GRIA2: variants seen among roughly 807,000 people sequenced by gnomAD.
GRIA2 encodes the protein glutamate receptor 2.
In GRIA2, 14 loss-of-function variants were observed where a neutral mutation model predicts 97.3. That is an observed-to-expected ratio of 0.14 (90% CI 0.10 to 0.23). The LOEUF (loss-of-function observed/expected upper bound fraction) is 0.23, where lower values mean the gene tolerates loss of function less well. Among genes scored for constraint, GRIA2 ranks in the 10% least tolerant of loss-of-function variants. GRIA2 has a pLI of 1.00. For missense variants in GRIA2, 558 were observed against 1,069.8 expected (o/e 0.52, Z 6.67); for synonymous variants, 412 against 387.8 (o/e 1.06, Z -0.73).
At chr4:157,274,772 G>A (rs976062139) in intron 2 of GRIA2, among the ~76,000 whole-genome samples, 1 of 151,586 alleles carries the variant, frequency 6.6e-6, no homozygotes, top group Non-Finnish European at 1.5e-5. Flanking sequence ...TATCATTGTT[G>A]GACATTTGGG....
At chr4:157,317,732 A>T (rs763361502) in intron 5 of GRIA2, 21 bp downstream of exon 5, 3 of 997,750 alleles carry the variant, frequency 3.0e-6, no homozygotes, top group Non-Finnish European at 4.7e-6. Flanking sequence ...TAATTGGTAT[A>T]TATTATTTTA....
chr4:157,355,941 T>TATATATATTAATATATTTATATATATATA (rs1736301145), intron 12 of GRIA2, among the ~76,000 whole-genome samples: 1 of 11,588 alleles, frequency 8.6e-5, no homozygotes, highest in Non-Finnish European at 1.9e-4. Flanking sequence ...ATTTATATAT[T>TATATATATTAATATATTTATATATATATA]AATATATATT....
intron 2 of GRIA2, among the ~76,000 whole-genome samples, chr4:157,294,792 G>A (rs527459197): frequency 1.1e-4 from 17 of 152,118 alleles, no homozygotes; most frequent in African/African-American, 3.4e-4. Flanking sequence ...AGGATTAGAC[G>A]CCAGGCCTGC....
intron 13 of GRIA2, 139 bp downstream of exon 13, chr4:157,360,282 G>T (rs1218795831): frequency 1.3e-6 from 1 of 784,870 alleles, no homozygotes; most frequent in Non-Finnish European, 2.0e-6. Flanking sequence ...AAACGTTTCT[G>T]AATGTTTTTA....
At chr4:157,221,940 A>G (rs13138842) in intron 2 of GRIA2, 133 bp downstream of exon 2, 625,595 of 769,922 alleles carry the variant, frequency 0.81, 254,992 homozygotes, top group Admixed American at 0.87. Context: ...GACTGCACAC[A>G]CGCGTGCGTG....
chr4:157,327,655 T>A (rs1214499835), intron 6 of GRIA2, among the ~76,000 whole-genome samples: 1 of 152,146 alleles, frequency 6.6e-6, no homozygotes, highest in African/African-American at 2.4e-5. Context: ...TAGTAACCTT[T>A]GTTCAACTTT....
intron 2 of GRIA2, among the ~76,000 whole-genome samples, chr4:157,300,078 A>T (rs966862892): frequency 3.3e-5 from 5 of 151,770 alleles, no homozygotes; most frequent in African/African-American, 1.2e-4. Context: ...ATGACACGTT[A>T]TTTCTGATAG....
intron 12 of GRIA2, among the ~76,000 whole-genome samples, chr4:157,346,708 T>C (rs940153619): frequency 3.9e-5 from 6 of 152,170 alleles, no homozygotes; most frequent in African/African-American, 1.4e-4. Flanking sequence ...ATCGTATACA[T>C]ATGTTGCAAG....
chr4:157,312,978 G>A, intron 4 of GRIA2, 103 bp downstream of exon 4: 1 of 621,456 alleles, frequency 1.6e-6, no homozygotes, highest in South Asian at 3.2e-5. Context: ...AGCAGTTTTT[G>A]CTTTATGTTT....
chr4:157,351,837 C>T (rs1404579378), intron 12 of GRIA2, among the ~76,000 whole-genome samples: 2 of 152,160 alleles, frequency 1.3e-5, no homozygotes, highest in Admixed American at 1.3e-4. Flanking sequence ...GCCTTGCTTC[C>T]CTTTTGACTT....
At chr4:157,334,818 G>C (rs1032839159) in intron 9 of GRIA2, 2 of 152,132 alleles carry the variant, frequency 1.3e-5, no homozygotes, top group African/African-American at 2.4e-5. Flanking sequence ...TTGTAAATTG[G>C]TGTGATTTAT....
chr4:157,248,275 TA>T (rs1269771701), intron 2 of GRIA2, among the ~76,000 whole-genome samples: 4 of 151,130 alleles, frequency 2.6e-5, no homozygotes, highest in African/African-American at 9.7e-5. Context: ...CATATGTGAG[TA>T]AATGTGTCAG....
At position 157,322,005 on chromosome 4, in the gene GRIA2, C is replaced by G. The variant is rs1165045033; in HGVS notation, c.882+406C>G. Among the ~76,000 whole-genome samples the G allele has an allele frequency of 2.0e-5, 3 of 152,126 alleles. No individual in the cohort carries two copies. The South Asian group carries it at 6.2e-4, about 32-fold the overall frequency. ...CCACGAGGGAAGAGAACAGAAAACT[C>G]TTAGCGACATGGAGGGGGTAGGGAA... On this transcript the variant is annotated intron_variant, in intron 6 of 15. Coordinates refer to ENST00000264426, the MANE Select transcript of GRIA2 (RefSeq NM_001083619.3).
chr4:157,359,150 T>A (rs971646156), intron 12 of GRIA2, among the ~76,000 whole-genome samples: 4 of 152,310 alleles, frequency 2.6e-5, no homozygotes, highest in East Asian at 1.9e-4. Context: ...GATGTGTATC[T>A]TTGCTTTTGA....
intron 4 of GRIA2, 119 bp from the exon 5 acceptor site, chr4:157,317,539 A>G: frequency 2.3e-6 from 1 of 434,924 alleles, no homozygotes; most frequent in Non-Finnish European, 4.2e-6. Context: ...TTATTTTGGC[A>G]CATCAACAAA....
Position 157,359,995 on chromosome 4 carries a change from C to A in GRIA2, c.2143C>A (p.Arg715=), listed in dbSNP as rs773318255. The stretch of plus-strand genomic sequence containing the variant: ...TACGGCCGAAGGGGTGGCTAGAGTG[C>A]GGAAGTCCAAAGGGAAATATGCCTA... ...RTTAEGVARV[R]KSKGKYAYLL... Residue 715 remains arginine (R), a synonymous_variant, in exon 13 of 16, where the codon CGG becomes AGG. Transcript: ENST00000264426. 26 of 1,613,664 alleles carry A rather than the reference C, an allele frequency of 1.6e-5. No homozygotes were observed. In the South Asian group the frequency reaches 2.3e-4, roughly 14 times the overall value.
At position 157,334,050 on chromosome 4, in the gene GRIA2, T is replaced by G. The variant is rs200855258; in HGVS notation, c.1196T>G (p.Leu399Arg). 1 of 1,610,126 alleles carries G rather than the reference T, an allele frequency of 6.2e-7. No homozygotes were observed. The highest frequency in any genetic ancestry group is 2.2e-5 in the East Asian group (1 of 44,796). ...GAAGTGGACAAAATGGTTGTTACCC[T>G]TACTGAGCTCCCTTCTGGAAATGAC... Reference protein sequence around the residue: ...WSEVDKMVVTLTELPSGNDTS... With the variant: ...WSEVDKMVVTRTELPSGNDTS... The change falls in exon 9 of 16, where the codon CTT becomes CGT. Residue 399 changes from leucine (L) to arginine (R), a missense_variant. By Grantham distance (102) the Leu-to-Arg change is moderately radical. This residue lies in a region of GRIA2 where 66 missense variants were observed against 118.7 expected (regional missense o/e 0.56). Transcript: ENST00000264426.
intron 2 of GRIA2, among the ~76,000 whole-genome samples, chr4:157,270,156 T>C (rs1302085558): frequency 1.3e-5 from 2 of 152,150 alleles, no homozygotes; most frequent in Non-Finnish European, 2.9e-5. Flanking sequence ...TGATATTCAG[T>C]TTTTTGAATG....
intron 3 of GRIA2, among the ~76,000 whole-genome samples, chr4:157,312,252 C>A (rs1020117597): frequency 6.6e-6 from 1 of 152,066 alleles, no homozygotes; most frequent in African/African-American, 2.4e-5. Context: ...ATGTACTCGT[C>A]TTCTTCAGGA....
Sources: allele counts gnomAD v4.1 joint callset (sites outside exome capture counted in the v4.1 genomes callset), GRCh38; gene constraint gnomAD v4.1.1; regional missense constraint gnomAD v4.1.1; transcripts MANE v1.5; gene names NCBI Gene and HGNC (gene_info 2026-07-23, HGNC 2026-07-21).